Variants in BRSK2 observed in about 807,000 individuals in gnomAD.
The protein encoded by BRSK2 is BR serine/threonine kinase 2.
A neutral mutation model predicts 83.3 loss-of-function variants in BRSK2; 19 were observed. That is an observed-to-expected ratio of 0.23 (90% CI 0.16 to 0.33). BRSK2 has a LOEUF of 0.33. BRSK2 is among the 10% of genes least tolerant of loss of function. The pLI is 1.00. For missense variants in BRSK2, 798 were observed against 1,042.3 expected, an observed-to-expected ratio of 0.77 and a Z score of 3.23; for synonymous variants, 519 against 435.4, an observed-to-expected ratio of 1.19 and a Z score of -2.39.
rs1207737794 is a variant in BRSK2, at chr11:1,422,230, G to A, written c.92-13810G>A. Reference sequence around the variant, plus strand: ...TAGATTGGGGGCGGGGGCTGGCCAGGCCTCATCGCAGCTCACAGCCCCCAG... The same window carrying A: ...TAGATTGGGGGCGGGGGCTGGCCAGACCTCATCGCAGCTCACAGCCCCCAG... On this transcript the variant is annotated intron_variant, in intron 1 of 19. Coordinates refer to ENST00000528841, the MANE Select transcript of BRSK2 (RefSeq NM_001256627.2). Among the ~76,000 whole-genome samples, 9 of 152,256 alleles carry A rather than the reference G, an allele frequency of 5.9e-5. No homozygotes were observed. In the East Asian group the frequency reaches 1.5e-3, roughly 26 times the overall value.
intron 12 of BRSK2, 130 bp downstream of exon 12, chr11:1,446,037 ACTGGGCTTAG>A: frequency 2.9e-6 from 3 of 1,034,052 alleles, no homozygotes; most frequent in Non-Finnish European, 3.8e-6. Flanking sequence ...TATGGGCTAA[ACTGGGCTTAG>A]CTGGGCTGGG....
At chr11:1,433,984 C>T (rs949314202) in intron 1 of BRSK2, among the ~76,000 whole-genome samples, 14 of 152,174 alleles carry the variant, frequency 9.2e-5, no homozygotes, top group East Asian at 5.8e-4. Context: ...ATGAAACTGA[C>T]GGAAAGGGCA....
chr11:1,448,002 C>T, intron 12 of BRSK2: 5 of 872,884 alleles, frequency 5.7e-6, no homozygotes, highest in Non-Finnish European at 8.9e-6. Flanking sequence ...GCCAGCAAGC[C>T]AGGCAAGGGC....
chr11:1,451,059 C>G (rs1845761368), intron 14 of BRSK2, among the ~76,000 whole-genome samples: 1 of 152,252 alleles, frequency 6.6e-6, no homozygotes, highest in Admixed American at 6.5e-5. Context: ...GCAAGGAGAG[C>G]TGGCCACCGA....
chr11:1,393,313 G>A (rs1845842346), intron 1 of BRSK2, among the ~76,000 whole-genome samples: 1 of 152,184 alleles, frequency 6.6e-6, no homozygotes, highest in Non-Finnish European at 1.5e-5. Flanking sequence ...CCTCGGCTTA[G>A]CTCCTGAAAT....
intron 1 of BRSK2, among the ~76,000 whole-genome samples, chr11:1,428,965 T>C (rs555740332): frequency 2.0e-5 from 3 of 148,984 alleles, no homozygotes; most frequent in African/African-American, 7.5e-5. Flanking sequence ...GTGTGTGCCC[T>C]TGGCGTGTGG....
At chr11:1,426,047 C>T (rs537306251) in intron 1 of BRSK2, among the ~76,000 whole-genome samples, 7 of 152,332 alleles carry the variant, frequency 4.6e-5, no homozygotes, top group South Asian at 2.1e-4. Flanking sequence ...GTGCTCTGGA[C>T]GGTGGGCTGG....
intron 12 of BRSK2, chr11:1,447,830 C>G: frequency 1.3e-6 from 2 of 1,597,486 alleles, no homozygotes; most frequent in Non-Finnish European, 1.7e-6. Context: ...CTGGATATCG[C>G]TGAGGCCCAT....
In BRSK2 at chr11:1,442,532, G is replaced by A. The variant is rs780046641; in HGVS notation, c.456G>A (p.Lys152=). 1.4e-5 allele frequency: 23 copies of A among 1,613,198 alleles called. No individual in the cohort carries two copies. Among genetic ancestry groups the A allele is most frequent in the Non-Finnish European group, 1.9e-5 (23 of 1,179,802 alleles). ...LKPENLLLDE[K]NNIRIADFGM... ...CTGAAAACCTCCTGCTGGACGAGAAGAACAACATCCGCATCGCAGACTTTG... is the reference window on the plus strand; with the variant it reads ...CTGAAAACCTCCTGCTGGACGAGAAAAACAACATCCGCATCGCAGACTTTG... Residue 152 remains lysine, a synonymous_variant, in exon 5 of 20, where the codon AAG becomes AAA. Coordinates refer to ENST00000528841, the MANE Select transcript of BRSK2 (RefSeq NM_001256627.2).
At chr11:1,398,463 G>A (rs1038471123) in intron 1 of BRSK2, among the ~76,000 whole-genome samples, 5 of 152,280 alleles carry the variant, frequency 3.3e-5, no homozygotes, top group East Asian at 1.9e-4. Context: ...CATGTCAGGC[G>A]CCTTGGCCCT....
In BRSK2 at chr11:1,443,621, G is replaced by A. The variant is rs753324222; in HGVS notation, c.766G>A (p.Ala256Thr). Residue 256 changes from alanine (A) to threonine (T), a missense_variant, in exon 8 of 20, where the codon GCA (alanine) becomes ACA (threonine). Physicochemically the swap from Ala to Thr is moderately conservative, Grantham distance 58. Around this residue, in one of 6 missense-constraint regions of BRSK2, gnomAD observed 145 missense variants for 225.4 expected, o/e 0.64. Coordinates refer to ENST00000528841, the MANE Select transcript of BRSK2 (RefSeq NM_001256627.2). ...LLRGMIEVDA[A>T]RRLTLEHIQK... Reference sequence around the variant, plus strand: ...ACGGGGCATGATCGAGGTGGACGCCGCACGCCGCCTCACGGTGCGTGCCCT... The same window carrying A: ...ACGGGGCATGATCGAGGTGGACGCCACACGCCGCCTCACGGTGCGTGCCCT... 1.7e-5 allele frequency: 27 copies of A among 1,600,590 alleles called. No individual in the cohort carries two copies. In the Admixed American group the frequency reaches 2.9e-4, roughly 17 times the overall value.
chr11:1,435,978 C>A, intron 1 of BRSK2, 62 bp from the exon 2 acceptor site: 1 of 1,313,090 alleles, frequency 7.6e-7, no homozygotes, highest in Non-Finnish European at 1.1e-6. Flanking sequence ...CTGCACTGTC[C>A]GGCTGGGTGC....
Position 1,390,165 on chromosome 11 carries a change from C to T in BRSK2, c.-120C>T. On this transcript the variant is annotated 5_prime_UTR_variant, in exon 1 of 20. Transcript: ENST00000528841. This position sits in a 1 kb window ranked among gnomAD's most constrained non-coding sequence, Gnocchi z 6.8. ...CGCGGGCGGCGCGAAGCAGCGGGGC[C>T]CGCGGGGGCGCCCCGGCCGGGTCGG... 2.9e-6 allele frequency: 1 copy of T among 347,246 alleles called. No homozygotes were observed. Among genetic ancestry groups the T allele is most frequent in the Non-Finnish European group, 4.0e-6 (1 of 250,526 alleles). The allele number at this position is 347,246 out of a possible 1,614,324, so 21.5% of individuals were successfully genotyped here. A position where few individuals can be genotyped will look rare whatever the true frequency, so the allele number is the denominator to read the frequency against.
chr11:1,446,071 G>GCTGGGCTTT (rs1554906856), intron 12 of BRSK2, among the ~76,000 whole-genome samples, 164 bp downstream of exon 12: 2,631 of 144,130 alleles, frequency 0.018, 33 homozygotes, highest in Middle Eastern at 0.049. Context: ...GGCTGGGCTT[G>GCTGGGCTTT]GCTGGGCTGG....
chr11:1,450,318 C>T (rs1159048085), intron 13 of BRSK2, among the ~76,000 whole-genome samples: 1 of 152,076 alleles, frequency 6.6e-6, no homozygotes, highest in Non-Finnish European at 1.5e-5. Flanking sequence ...TGTGGGAGCG[C>T]CTCGAGGCCT....
intron 18 of BRSK2, chr11:1,457,111 G>A (rs1235771754): frequency 7.0e-7 from 1 of 1,429,332 alleles, no homozygotes; most frequent in African/African-American, 1.4e-5. Context: ...GGCGGAGCCA[G>A]GCTGGCCCTG....
chr11:1,424,672 A>G (rs1590435254), intron 1 of BRSK2, among the ~76,000 whole-genome samples: 2 of 151,924 alleles, frequency 1.3e-5, no homozygotes, highest in South Asian at 4.2e-4. Flanking sequence ...CCCGTGCTTC[A>G]CCCTCCATCC....
rs1846304458 is a variant in BRSK2, at chr11:1,454,986, C to CA, written c.1668+379dup. On this transcript the variant is annotated intron_variant, in intron 16 of 19. Transcript: ENST00000528841. The surrounding 1 kb of genome is among the most constrained non-coding windows in gnomAD (Gnocchi z 5.2). ...ACTCGGGGAGAAGCCCTTGTGAGGC[C>CA]ATGGCCCTAGGGACCGGTGGGGCTC... Among the ~76,000 whole-genome samples, 1 of 152,126 alleles carries CA rather than the reference C, an allele frequency of 6.6e-6. No individual in the cohort carries two copies. The highest frequency in any genetic ancestry group is 2.4e-5 in the African/African-American group (1 of 41,426).
Position 1,445,650 on chromosome 11 carries a change from C to A in BRSK2, c.1057C>A (p.Pro353Thr), listed in dbSNP as rs1425377225. Residue 353 changes from proline to threonine, a missense_variant, in exon 11 of 20, where the codon CCC becomes ACC. Pro to Thr is a conservative substitution (Grantham distance 38). Transcript: ENST00000528841. ...CCCGAGCCAGGAGGATGAGGACCTG[C>A]CCCCCCGGAACGAGATAGGTATGGG... ...RYPSQEDEDL[P>T]PRNEIDPPRK... The A allele has an allele frequency of 6.3e-7, 1 of 1,592,824 alleles. No individual in the cohort carries two copies. The highest frequency in any genetic ancestry group is 8.5e-7 in the Non-Finnish European group (1 of 1,170,008).
Sources: allele counts gnomAD v4.1 joint callset (sites outside exome capture counted in the v4.1 genomes callset), GRCh38; gene constraint gnomAD v4.1.1; regional missense constraint gnomAD v4.1.1; non-coding constraint Gnocchi (gnomAD v3.1); transcripts MANE v1.5; gene names NCBI Gene and HGNC (gene_info 2026-07-23, HGNC 2026-07-21).